Variants in RANBP2 observed in about 807,000 individuals in gnomAD.
The protein encoded by RANBP2 is RAN binding protein 2.
In RANBP2, 57 loss-of-function variants were observed where a neutral mutation model predicts 303.6. The observed-to-expected ratio is 0.19, with a 90% CI of 0.15 to 0.23. The LOEUF is 0.23. Among genes scored for constraint, RANBP2 ranks in the 10% least tolerant of loss-of-function variants. The probability of loss-of-function intolerance (pLI) is 1.00; values close to 1 mark genes in which losing one functional copy is unlikely to be tolerated. For missense variants in RANBP2, 3,138 were observed against 3,780.8 expected, an observed-to-expected ratio of 0.83 and a Z score of 4.46; for synonymous variants, 1,167 against 1,301.5, an observed-to-expected ratio of 0.90 and a Z score of 2.23.
chr2:108,781,244 TTAAA>T (rs1678237535), intron 25 of RANBP2, 21 bp from the exon 26 acceptor site: 1 of 1,613,352 alleles, frequency 6.2e-7, no homozygotes, highest in East Asian at 2.2e-5. Flanking sequence ...ATACTAGTGT[TTAAA>T]TATCCTGATT....
At chr2:109,761,963 A>G in the RANBP2 span, among the ~76,000 whole-genome samples, 12 of 150,512 alleles carry the variant, frequency 8.0e-5, no homozygotes, top group Non-Finnish European at 1.5e-4. Flanking sequence ...TAACTCATAT[A>G]GATGATATGT....
chr2:109,529,820 C>T, the RANBP2 span, among the ~76,000 whole-genome samples: 1 of 152,288 alleles, frequency 6.6e-6, no homozygotes, highest in East Asian at 1.9e-4. Flanking sequence ...GGCCCTGCCT[C>T]CAGCCCTCAC....
At chr2:108,846,197 C>T in the RANBP2 span, among the ~76,000 whole-genome samples, 12 of 152,026 alleles carry the variant, frequency 7.9e-5, no homozygotes, top group Admixed American at 7.9e-4. Context: ...CACCTCTGTT[C>T]CCTTGCTATT....
At chr2:109,102,173 T>C in the RANBP2 span, among the ~76,000 whole-genome samples, 1 of 152,110 alleles carries the variant, frequency 6.6e-6, no homozygotes, top group Non-Finnish European at 1.5e-5. Flanking sequence ...CAATCTTGGC[T>C]CACTGCAAGC....
the RANBP2 span, among the ~76,000 whole-genome samples, chr2:109,483,617 T>C: frequency 8.5e-4 from 130 of 152,342 alleles, no homozygotes; most frequent in African/African-American, 2.9e-3. Context: ...ATTCAACAGA[T>C]TGCTAGAGGG....
chr2:109,436,330 T>C, the RANBP2 span, among the ~76,000 whole-genome samples: 46 of 152,294 alleles, frequency 3.0e-4, no homozygotes, highest in Admixed American at 1.9e-3. Context: ...GTTCCTCTTG[T>C]GTGAGCTGAT....
the RANBP2 span, among the ~76,000 whole-genome samples, chr2:109,008,256 T>C: frequency 6.6e-6 from 1 of 152,226 alleles, no homozygotes; most frequent in East Asian, 1.9e-4. Context: ...AGGATAGATC[T>C]GAGCCCCCAG....
chr2:109,236,298 A>G, the RANBP2 span, among the ~76,000 whole-genome samples: 2 of 152,186 alleles, frequency 1.3e-5, no homozygotes, highest in Non-Finnish European at 1.5e-5. Context: ...TTCTGCATGC[A>G]GTGTCGGGGC....
At chr2:109,432,302 C>A in the RANBP2 span, among the ~76,000 whole-genome samples, 6 of 152,170 alleles carry the variant, frequency 3.9e-5, no homozygotes, top group Non-Finnish European at 8.8e-5. Flanking sequence ...TCCCCGAAGG[C>A]TCCCTGCCTC....
the RANBP2 span, among the ~76,000 whole-genome samples, chr2:109,057,826 C>A: frequency 2.0e-5 from 3 of 152,174 alleles, no homozygotes; most frequent in Non-Finnish European, 4.4e-5. Context: ...GGTGGTTACT[C>A]ATCTCTGTGT....
chr2:109,168,343 G>C, the RANBP2 span, among the ~76,000 whole-genome samples: 1 of 152,200 alleles, frequency 6.6e-6, no homozygotes, highest in East Asian at 1.9e-4. Flanking sequence ...GTGCAGGGCT[G>C]TCTTTGTTCA....
the RANBP2 span, chr2:109,574,443 TAAAAAA>T: frequency 2.6e-4 from 70 of 271,338 alleles, no homozygotes; most frequent in African/African-American, 7.3e-4. Flanking sequence ...ACTTTATCTC[TAAAAAA>T]AAAAAAAAAA....
At chr2:109,305,895 C>T in the RANBP2 span, among the ~76,000 whole-genome samples, 1 of 152,208 alleles carries the variant, frequency 6.6e-6, no homozygotes, top group Non-Finnish European at 1.5e-5. Flanking sequence ...ACCAGGAGTT[C>T]CCCTGAGCTC....
the RANBP2 span, among the ~76,000 whole-genome samples, chr2:108,806,537 T>A: frequency 1.3e-5 from 2 of 152,212 alleles, no homozygotes; most frequent in Non-Finnish European, 2.9e-5. Flanking sequence ...AAGGACTAGA[T>A]AGTAAGTACT....
At chr2:109,249,532 T>TTTTTCTTTCTTTCC in the RANBP2 span, among the ~76,000 whole-genome samples, 3 of 96,450 alleles carry the variant, frequency 3.1e-5, no homozygotes, top group African/African-American at 9.2e-5. Context: ...TCTTTCTTTC[T>TTTTTCTTTCTTTCC]TTCCTTCCTT....
At chr2:109,157,623 C>G in the RANBP2 span, among the ~76,000 whole-genome samples, 1 of 152,162 alleles carries the variant, frequency 6.6e-6, no homozygotes, top group Non-Finnish European at 1.5e-5. Context: ...GAATCCCAGT[C>G]TAGTGTGCTT....
chr2:109,449,298 A>C, the RANBP2 span: 6 of 1,608,614 alleles, frequency 3.7e-6, no homozygotes, highest in Non-Finnish European at 5.1e-6. Flanking sequence ...CCCGCAGCAC[A>C]GCCACCAGCC....
chr2:109,629,323 A>T, the RANBP2 span, among the ~76,000 whole-genome samples: 2 of 29,910 alleles, frequency 6.7e-5, no homozygotes, highest in Non-Finnish European at 5.3e-5. Context: ...ATATATATAT[A>T]TATATATATA....
chr2:108,780,300 C>T (rs1381051038), intron 25 of RANBP2, among the ~76,000 whole-genome samples: 1 of 147,948 alleles, frequency 6.8e-6, no homozygotes, highest in Non-Finnish European at 1.5e-5. Flanking sequence ...TCAAGCGATT[C>T]TCCTGCCTTA....
Sources: allele counts gnomAD v4.1 joint callset (sites outside exome capture counted in the v4.1 genomes callset), GRCh38; gene constraint gnomAD v4.1.1; transcripts MANE v1.5; gene names NCBI Gene and HGNC (gene_info 2026-07-23, HGNC 2026-07-21).